The following HIBADH variants were observed in gnomAD, a reference collection of about 807,000 sequenced individuals.
The protein encoded by HIBADH is 3-hydroxyisobutyrate dehydrogenase.
In HIBADH, 25 loss-of-function variants were observed where a neutral mutation model predicts 36.1. That is an observed-to-expected ratio of 0.69 (90% CI 0.50 to 0.97). The LOEUF (loss-of-function observed/expected upper bound fraction) is 0.97, where lower values mean the gene tolerates loss of function less well. Among genes scored for constraint, HIBADH ranks in the 50% least tolerant of loss-of-function variants. The pLI, the probability that HIBADH is intolerant of heterozygous loss-of-function variation, is 0.00. For synonymous variants in HIBADH, 160 were observed against 149.5 expected, an observed-to-expected ratio of 1.07 and a Z score of -0.51; for missense variants, 421 against 418.0, an observed-to-expected ratio of 1.01 and a Z score of -0.06.
At chr7:27,616,460 T>G (rs575820863) in intron 4 of HIBADH, among the ~76,000 whole-genome samples, 1 of 152,192 alleles carries the variant, frequency 6.6e-6, no homozygotes, top group Admixed American at 6.5e-5. Flanking sequence ...TCTTCGTTGT[T>G]TTTTTTGTTT....
intron 1 of HIBADH, among the ~76,000 whole-genome samples, chr7:27,659,629 G>C (rs1336792483): frequency 6.6e-6 from 1 of 152,170 alleles, no homozygotes; most frequent in African/African-American, 2.4e-5. Context: ...GGCTGAGGCA[G>C]GGGGATTGCT....
intron 4 of HIBADH, among the ~76,000 whole-genome samples, chr7:27,570,602 G>GT (rs1323715907): frequency 2.6e-5 from 4 of 151,650 alleles, no homozygotes; most frequent in Non-Finnish European, 5.9e-5. Flanking sequence ...TGCCTTAAAC[G>GT]TGATGACGGT....
At chr7:27,591,310 G>A (rs1176671077) in intron 4 of HIBADH, among the ~76,000 whole-genome samples, 1 of 152,276 alleles carries the variant, frequency 6.6e-6, no homozygotes, top group African/African-American at 2.4e-5. Flanking sequence ...CCAGCACTTT[G>A]GGAGGCCAAG....
At position 27,642,546 on chromosome 7, in the gene HIBADH, G is replaced by A. The variant is rs184442793; in HGVS notation, c.252+6927C>T. The stretch of plus-strand genomic sequence containing the variant: ...ACCTAAAGTAAAAGTCTTCAGCAAA[G>A]ACTGAGGCTCCACTTTTTGAGGAAA... On this transcript the variant is annotated intron_variant, in intron 2 of 7. Transcript: ENST00000265395. Among the ~76,000 whole-genome samples, 19 of 151,912 alleles carry A rather than the reference G, an allele frequency of 1.3e-4. No homozygotes were observed. In the East Asian group the frequency reaches 3.5e-3, roughly 28 times the overall value.
chr7:27,612,107 C>T (rs1785331028), intron 4 of HIBADH, among the ~76,000 whole-genome samples: 1 of 152,096 alleles, frequency 6.6e-6, no homozygotes. Flanking sequence ...AAAGCCTTAT[C>T]CCTAGTGCCT....
At chr7:27,619,970 C>T in intron 4 of HIBADH, among the ~76,000 whole-genome samples, 1 of 152,038 alleles carries the variant, frequency 6.6e-6, no homozygotes, top group East Asian at 1.9e-4. Flanking sequence ...TCACCAATTC[C>T]CAGAAAGATA....
chr7:27,533,695 T>C (rs1338616250), intron 6 of HIBADH, among the ~76,000 whole-genome samples: 1 of 152,192 alleles, frequency 6.6e-6, no homozygotes, highest in Non-Finnish European at 1.5e-5. Flanking sequence ...ATTCAGAGTC[T>C]ATCCTAGAAC....
intron 4 of HIBADH, among the ~76,000 whole-genome samples, chr7:27,612,241 A>G (rs1327832308): frequency 6.6e-6 from 1 of 152,214 alleles, no homozygotes; most frequent in East Asian, 1.9e-4. Context: ...GACTATATAA[A>G]TAATTTCAAG....
chr7:27,554,275 C>G (rs146865917), intron 4 of HIBADH, among the ~76,000 whole-genome samples: 4 of 152,174 alleles, frequency 2.6e-5, no homozygotes, highest in African/African-American at 9.7e-5. Flanking sequence ...CGCGAGCCAC[C>G]GCGCCCAGCC....
intron 4 of HIBADH, among the ~76,000 whole-genome samples, chr7:27,621,264 A>G (rs1325251955): frequency 1.3e-5 from 2 of 152,220 alleles, no homozygotes; most frequent in African/African-American, 2.4e-5. Flanking sequence ...GAGAGATCCA[A>G]TAATAGTTGG....
At chr7:27,585,176 T>C (rs1201230321) in intron 4 of HIBADH, among the ~76,000 whole-genome samples, 1 of 152,020 alleles carries the variant, frequency 6.6e-6, no homozygotes, top group African/African-American at 2.4e-5. Flanking sequence ...TGTATATATG[T>C]GTGTATATAT....
intron 4 of HIBADH, among the ~76,000 whole-genome samples, chr7:27,550,191 G>T (rs1784299288): frequency 6.6e-6 from 1 of 152,132 alleles, no homozygotes; most frequent in African/African-American, 2.4e-5. Context: ...TTACAGGCAT[G>T]AGTCACCACG....
At chr7:27,578,045 C>T (rs943459119) in intron 4 of HIBADH, among the ~76,000 whole-genome samples, 1 of 152,146 alleles carries the variant, frequency 6.6e-6, no homozygotes, top group Non-Finnish European at 1.5e-5. Context: ...TTATTAGCAT[C>T]CATTGTTCAT....
At chr7:27,572,280 AT>A (rs1353923772) in intron 4 of HIBADH, among the ~76,000 whole-genome samples, 3 of 152,210 alleles carry the variant, frequency 2.0e-5, no homozygotes, top group African/African-American at 7.2e-5. Flanking sequence ...TGTAAAGTGC[AT>A]TTAAAAGTAC....
intron 1 of HIBADH, among the ~76,000 whole-genome samples, chr7:27,653,890 T>C (rs950329496): frequency 3.3e-5 from 5 of 152,190 alleles, no homozygotes; most frequent in South Asian, 4.1e-4. Context: ...AAGGCCAAAG[T>C]TGAACCTCTC....
intron 1 of HIBADH, among the ~76,000 whole-genome samples, chr7:27,654,976 C>T (rs559768068): frequency 2.0e-5 from 3 of 152,124 alleles, no homozygotes; most frequent in African/African-American, 4.8e-5. Context: ...CGTGAGCCAC[C>T]GCACCCAGCC....
intron 4 of HIBADH, among the ~76,000 whole-genome samples, chr7:27,585,696 G>A (rs1240635055): frequency 6.6e-6 from 1 of 152,140 alleles, no homozygotes; most frequent in Non-Finnish European, 1.5e-5. Context: ...ACACTCAAAG[G>A]AAGTGTATAA....
intron 1 of HIBADH, among the ~76,000 whole-genome samples, chr7:27,655,694 A>T (rs1786286088): frequency 6.6e-6 from 1 of 152,186 alleles, no homozygotes; most frequent in Non-Finnish European, 1.5e-5. Context: ...AAAAACATGA[A>T]TAATTTTTTA....
At chr7:27,630,515 A>C (rs1013741927) in intron 3 of HIBADH, among the ~76,000 whole-genome samples, 1 of 152,072 alleles carries the variant, frequency 6.6e-6, no homozygotes, top group South Asian at 2.1e-4. Context: ...TTAAAACTGA[A>C]TAAATATAAA....
Sources: allele counts gnomAD v4.1 joint callset (sites outside exome capture counted in the v4.1 genomes callset), GRCh38; gene constraint gnomAD v4.1.1; transcripts MANE v1.5; gene names NCBI Gene and HGNC (gene_info 2026-07-23, HGNC 2026-07-21).